Variants in GSTM5 observed in about 807,000 individuals in gnomAD.
The protein encoded by GSTM5 is GST class-mu 5.
A neutral mutation model predicts 29.0 loss-of-function variants in GSTM5; 24 were observed. That is an observed-to-expected ratio of 0.83 (90% CI 0.60 to 1.16). The LOEUF is 1.16. Ranked by LOEUF, GSTM5 falls within the 50% of genes most tolerant of loss-of-function variation. The pLI is 0.00. For missense variants in GSTM5, 290 were observed against 263.0 expected, an observed-to-expected ratio of 1.10 and a Z score of -0.71; for synonymous variants, 91 against 93.6, an observed-to-expected ratio of 0.97 and a Z score of 0.16.
intron 7 of GSTM5, chr1:109,715,887 C>A: frequency 1.6e-6 from 1 of 631,412 alleles, no homozygotes; most frequent in Non-Finnish European, 2.7e-6. Context: ...CACTCTCCTT[C>A]TTTATCTTTC....
chr1:109,713,594 G>A (rs1344270359), intron 4 of GSTM5, 29 bp downstream of exon 4: 5 of 1,614,210 alleles, frequency 3.1e-6, no homozygotes, highest in Non-Finnish European at 4.2e-6. Flanking sequence ...AATGTGCGGG[G>A]GGAAGGTGAC....
At position 109,717,564 on chromosome 1, in the gene GSTM5, C is replaced by T. The variant is rs1648794373; in HGVS notation, c.*138C>T. On this transcript the variant is annotated 3_prime_UTR_variant, in exon 8 of 8. Coordinates refer to ENST00000256593, the MANE Select transcript of GSTM5 (RefSeq NM_000851.4). Reference sequence around the variant, plus strand: ...CTTCTCTTCCCCAAGGCCTCATTGGCTTCCTTTCTTCTAACATCATCCCTC... The same window carrying T: ...CTTCTCTTCCCCAAGGCCTCATTGGTTTCCTTTCTTCTAACATCATCCCTC... 1 of 635,910 alleles carries T rather than the reference C, an allele frequency of 1.6e-6. No homozygotes were observed. The highest frequency in any genetic ancestry group is 2.9e-6 in the Non-Finnish European group (1 of 349,482). 39.4% of individuals were successfully genotyped at this position (635,910 alleles called of 1,614,324 possible).
At position 109,713,182 on chromosome 1, in the gene GSTM5, A is replaced by G. The variant is rs1367217826; in HGVS notation, c.176A>G (p.Asn59Ser). 12 of 1,612,266 alleles carry G rather than the reference A, an allele frequency of 7.4e-6. No individual in the cohort carries two copies. The highest frequency in any genetic ancestry group is 2.2e-5 in the South Asian group (2 of 91,004). ...EKFKLGLDFP[N>S]LPYLIDGAHK... Reference sequence around the variant, plus strand: ...TTCAAGCTGGGCCTGGACTTTCCCAATGTAGGTGCAGGGGAAGGGGCGGTT... The same window carrying G: ...TTCAAGCTGGGCCTGGACTTTCCCAGTGTAGGTGCAGGGGAAGGGGCGGTT... Residue 59 changes from asparagine to serine, a missense_variant and splice_region_variant, in exon 3 of 8, where the codon AAT becomes AGT. Physicochemically the swap from Asn to Ser is conservative, Grantham distance 46. Coordinates refer to ENST00000256593, the MANE Select transcript of GSTM5 (RefSeq NM_000851.4).
intron 7 of GSTM5, chr1:109,715,649 C>T: frequency 1.6e-6 from 1 of 635,752 alleles, no homozygotes; most frequent in Non-Finnish European, 2.6e-6. Context: ...AGAGGCAGAG[C>T]ACTTCAGGAC....
chr1:109,715,632 CTT>C (rs1648719724), intron 7 of GSTM5: 1 of 776,458 alleles, frequency 1.3e-6, no homozygotes, highest in African/African-American at 1.7e-5. Context: ...GCCCAGAACA[CTT>C]TGAAAGAGGC....
intron 2 of GSTM5, 163 bp from the exon 3 acceptor site, chr1:109,712,956 C>A (rs1363903862): frequency 4.2e-6 from 4 of 947,476 alleles, no homozygotes; most frequent in Non-Finnish European, 6.6e-6. Flanking sequence ...GGGTCCAGAG[C>A]CCTCAGTGGG....
At chr1:109,717,040 G>A in intron 7 of GSTM5, 1 of 249,546 alleles carries the variant, frequency 4.0e-6, no homozygotes, top group Non-Finnish European at 7.8e-6. Flanking sequence ...ACTGACCATG[G>A]AGGGTAGTCG....
intron 3 of GSTM5, 124 bp from the exon 4 acceptor site, chr1:109,713,360 C>G (rs1648631308): frequency 1.4e-6 from 2 of 1,424,590 alleles, no homozygotes; most frequent in Non-Finnish European, 2.0e-6. Context: ...ATTAGTGTGA[C>G]AGTATTTCTA....
chr1:109,712,658 C>CAAG lies in GSTM5; in HGVS notation c.78_80dup (p.Ser26_Ser27insArg). On this transcript the variant is annotated inframe_insertion, in exon 2 of 8. Coordinates refer to ENST00000256593, the MANE Select transcript of GSTM5 (RefSeq NM_000851.4). Reference sequence around the variant, plus strand: ...CGCTTGCTCCTGGAATACACAGACTCAAGCTATGTGGAAAAGAAGTACACG... The same window carrying CAAG: ...CGCTTGCTCCTGGAATACACAGACTCAAGAAGCTATGTGGAAAAGAAGTACACG... The CAAG allele has an allele frequency of 1.9e-6, 3 of 1,614,208 alleles. No individual in the cohort carries two copies. Among genetic ancestry groups the CAAG allele is most frequent in the Non-Finnish European group, 2.5e-6 (3 of 1,180,040 alleles).
upstream of GSTM5, chr1:109,712,196 T>C: frequency 9.0e-7 from 1 of 1,107,300 alleles, no homozygotes. Flanking sequence ...GTTTCGGGGT[T>C]GTGGCGGGCC....
intron 7 of GSTM5, chr1:109,716,136 A>G: frequency 3.3e-6 from 1 of 301,968 alleles, no homozygotes; most frequent in Non-Finnish European, 6.4e-6. Flanking sequence ...CCTGCCCCTC[A>G]CTCACGGGGA....
chr1:109,715,726 G>A (rs983996282), intron 7 of GSTM5: 30 of 434,270 alleles, frequency 6.9e-5, no homozygotes, highest in African/African-American at 5.4e-4. Context: ...TAAACCTGCA[G>A]GCAGTATTCA....
chr1:109,713,598 A>G, intron 4 of GSTM5, 33 bp downstream of exon 4: 1 of 1,614,016 alleles, frequency 6.2e-7, no homozygotes, highest in Non-Finnish European at 8.5e-7. Context: ...TGCGGGGGGA[A>G]GGTGACCTCC....
intron 3 of GSTM5, 50 bp from the exon 4 acceptor site, chr1:109,713,434 T>C (rs1301414522): frequency 1.2e-6 from 2 of 1,612,800 alleles, no homozygotes; most frequent in African/African-American, 1.3e-5. Context: ...AAGGGGATGC[T>C]GGGGAGCCTG....
Position 109,717,640 on chromosome 1 carries a change from G to A in GSTM5, c.*214G>A, listed in dbSNP as rs367976156. 6 of 514,090 alleles carry A rather than the reference G, an allele frequency of 1.2e-5. No individual in the cohort carries two copies. The highest frequency in any genetic ancestry group is 1.0e-4 in the East Asian group (3 of 29,072). 31.8% of individuals were successfully genotyped at this position (514,090 alleles called of 1,614,324 possible). On this transcript the variant is annotated 3_prime_UTR_variant, in exon 8 of 8. Transcript: ENST00000256593. ...CAGCTCCCCACTGTCCTCCATCAAA[G>A]TCCCCCTCCTAACGTCTTCCTTTCC...
chr1:109,713,288 A>G, intron 3 of GSTM5, 105 bp downstream of exon 3: 3 of 1,536,772 alleles, frequency 2.0e-6, no homozygotes, highest in Non-Finnish European at 2.7e-6. Context: ...CTTCTGCCCA[A>G]TTCCTCTCAC....
chr1:109,715,856 T>C (rs1648727637), intron 7 of GSTM5: 1 of 497,916 alleles, frequency 2.0e-6, no homozygotes. Context: ...GCAGTGTGTG[T>C]TGAAGTGCTC....
At chr1:109,717,289 C>A in intron 7 of GSTM5, 48 bp from the exon 8 acceptor site, 1 of 1,420,552 alleles carries the variant, frequency 7.0e-7, no homozygotes, top group Non-Finnish European at 1.0e-6. Context: ...GCTACTTGAG[C>A]CCTTCTAGAC....
chr1:109,712,232 C>G (rs1276849358), upstream of GSTM5: 5 of 1,484,726 alleles, frequency 3.4e-6, no homozygotes, highest in East Asian at 1.1e-4. Context: ...AGCAAGGCCC[C>G]GCCTGTCCCC....
Sources: allele counts gnomAD v4.1 joint callset, GRCh38; gene constraint gnomAD v4.1.1; transcripts MANE v1.5; gene names NCBI Gene and HGNC (gene_info 2026-07-23, HGNC 2026-07-21).